The following CNTN4 variants were observed in gnomAD, a reference collection of about 807,000 sequenced individuals.
CNTN4 encodes contactin-4.
A neutral mutation model predicts 122.5 loss-of-function variants in CNTN4; 77 were observed. The ratio of observed to expected loss-of-function variants is 0.63; its 90% confidence interval spans 0.52 to 0.76. The LOEUF (loss-of-function observed/expected upper bound fraction) is 0.76. Ranked by LOEUF, CNTN4 falls within the 30% of genes least tolerant of loss-of-function variation. CNTN4 has a pLI of 0.00. For synonymous variants in CNTN4, 512 were observed against 447.0 expected (o/e 1.15, Z -1.83); for missense variants, 1,256 against 1,259.1 (o/e 1.00, Z 0.04).
chr3:2,933,708 C>T (rs987602741), intron 13 of CNTN4, among the ~76,000 whole-genome samples: 1 of 152,124 alleles, frequency 6.6e-6, no homozygotes, highest in African/African-American at 2.4e-5. Context: ...TTATTCCGTT[C>T]TTTAACACTA....
chr3:2,410,206 C>T (rs1346337412), intron 3 of CNTN4, among the ~76,000 whole-genome samples: 1 of 152,190 alleles, frequency 6.6e-6, no homozygotes, highest in East Asian at 1.9e-4. Flanking sequence ...ATGGAGGACC[C>T]TCCCATGAAC....
At position 2,601,505 on chromosome 3, in the gene CNTN4, G is replaced by C. The variant is rs150248411; in HGVS notation, c.55+29947G>C. Among the ~76,000 whole-genome samples the C allele has an allele frequency of 3.7e-3, 561 of 152,216 alleles. 1 individual carries two copies. The highest frequency in any genetic ancestry group is 0.013 in the African/African-American group (540 of 41,530). On this transcript the variant is annotated intron_variant, in intron 4 of 24. Transcript: ENST00000418658. Reference sequence around the variant, plus strand: ...TTGTCAGGTTTGTCAAAGATCGGATGGTTATAGATGTGTGGTATTATTTCT... The same window carrying C: ...TTGTCAGGTTTGTCAAAGATCGGATCGTTATAGATGTGTGGTATTATTTCT...
At chr3:2,959,144 A>G (rs1018139745) in intron 13 of CNTN4, among the ~76,000 whole-genome samples, 1 of 152,232 alleles carries the variant, frequency 6.6e-6, no homozygotes, top group African/African-American at 2.4e-5. Context: ...GCTATAAACT[A>G]TTCCTTTGGG....
At chr3:2,388,775 G>A (rs147099911) in intron 3 of CNTN4, among the ~76,000 whole-genome samples, 2,473 of 151,126 alleles carry the variant, frequency 0.016, 35 homozygotes, top group Non-Finnish European at 0.025. Flanking sequence ...AACCTGGGAG[G>A]TAGAGGTTGC....
intron 4 of CNTN4, among the ~76,000 whole-genome samples, chr3:2,674,261 C>T (rs1188856781): frequency 6.6e-6 from 1 of 152,020 alleles, no homozygotes; most frequent in Non-Finnish European, 1.5e-5. Flanking sequence ...CTGAATTCCT[C>T]ATCACGTTTT....
intron 2 of CNTN4, among the ~76,000 whole-genome samples, chr3:2,158,684 T>C (rs2035828135): frequency 6.6e-6 from 1 of 152,168 alleles, no homozygotes; most frequent in African/African-American, 2.4e-5. Flanking sequence ...ATAGATGAGT[T>C]TTTGAGCCTG....
intron 7 of CNTN4, among the ~76,000 whole-genome samples, chr3:2,844,391 G>A (rs970636122): frequency 6.6e-6 from 1 of 152,220 alleles, no homozygotes; most frequent in African/African-American, 2.4e-5. Context: ...GAACTCAGAA[G>A]TAGAATGAAT....
At chr3:2,495,688 C>T (rs564447154) in intron 3 of CNTN4, among the ~76,000 whole-genome samples, 12 of 152,270 alleles carry the variant, frequency 7.9e-5, no homozygotes, top group Admixed American at 7.8e-4. Context: ...CTAGGTTGCA[C>T]CCTCCTTATG....
At chr3:2,575,220 A>T (rs78079825) in intron 4 of CNTN4, among the ~76,000 whole-genome samples, 1 of 151,190 alleles carries the variant, frequency 6.6e-6, no homozygotes, top group South Asian at 2.1e-4. Flanking sequence ...AAAAGTAATT[A>T]AAAAAAATAA....
At chr3:2,734,737 C>CT (rs2088959246) in intron 4 of CNTN4, among the ~76,000 whole-genome samples, 1 of 143,322 alleles carries the variant, frequency 7.0e-6, no homozygotes, top group Non-Finnish European at 1.5e-5. Flanking sequence ...CAACTTTATT[C>CT]TTTTTTCTCA....
At chr3:2,373,261 A>G (rs578173854) in intron 3 of CNTN4, among the ~76,000 whole-genome samples, 2 of 152,326 alleles carry the variant, frequency 1.3e-5, no homozygotes, top group African/African-American at 4.8e-5. Flanking sequence ...TGGGTTAAGC[A>G]CAGTTGCACT....
chr3:2,320,114 A>G (rs1247143443), intron 2 of CNTN4, among the ~76,000 whole-genome samples: 1 of 152,178 alleles, frequency 6.6e-6, no homozygotes, highest in Non-Finnish European at 1.5e-5. Flanking sequence ...TGTTGGGGAT[A>G]TAATTCTGGA....
At chr3:3,033,892 C>T (rs1051821380) in intron 16 of CNTN4, among the ~76,000 whole-genome samples, 12 of 152,124 alleles carry the variant, frequency 7.9e-5, no homozygotes, top group African/African-American at 2.4e-4. Flanking sequence ...ACAGAAACAA[C>T]GAACATCAGG....
intron 8 of CNTN4, chr3:2,882,929 C>T (rs2150982111): frequency 2.0e-6 from 1 of 489,866 alleles, no homozygotes; most frequent in African/African-American, 2.0e-5. Context: ...TTAATCCAGG[C>T]AAATGGTGTG....
At chr3:2,156,939 G>A (rs373694648) in intron 2 of CNTN4, among the ~76,000 whole-genome samples, 1 of 152,050 alleles carries the variant, frequency 6.6e-6, no homozygotes, top group South Asian at 2.1e-4. Context: ...AACCATTTTG[G>A]GGTCATTAAT....
rs541800263 is a variant in CNTN4, at chr3:2,631,159, G to C, written c.55+59601G>C. Among the ~76,000 whole-genome samples the C allele has an allele frequency of 1.7e-3, 266 of 152,290 alleles. 2 individuals carry two copies. The highest frequency in any genetic ancestry group is 6.8e-3 in the Middle Eastern group (2 of 294). On this transcript the variant is annotated intron_variant, in intron 4 of 24. Transcript: ENST00000418658. ...CCATATTTGTTATTTCTGACTGCTAGAAAGCAAAGGTCACTAGGTCAGGAA... is the reference window on the plus strand; with the variant it reads ...CCATATTTGTTATTTCTGACTGCTACAAAGCAAAGGTCACTAGGTCAGGAA...
At chr3:3,019,507 C>T (rs1040898301) in intron 14 of CNTN4, among the ~76,000 whole-genome samples, 2 of 151,734 alleles carry the variant, frequency 1.3e-5, no homozygotes, top group Non-Finnish European at 2.9e-5. Flanking sequence ...GTTGGCCAGG[C>T]TGGTCTGGAA....
chr3:2,981,331 C>G (rs1009541802), intron 13 of CNTN4, among the ~76,000 whole-genome samples: 10 of 151,768 alleles, frequency 6.6e-5, no homozygotes, highest in Non-Finnish European at 1.5e-4. Flanking sequence ...GTAGTCCCAG[C>G]TACTCGGGAG....
chr3:2,800,500 A>T (rs2092322247), intron 6 of CNTN4, among the ~76,000 whole-genome samples: 1 of 152,206 alleles, frequency 6.6e-6, no homozygotes, highest in African/African-American at 2.4e-5. Context: ...CAAGATGAGG[A>T]GTTCTTCAGG....
Sources: gnomAD v4.1 joint callset for allele counts (sites outside exome capture counted in the v4.1 genomes callset) on GRCh38, gnomAD v4.1.1 for gene constraint, MANE v1.5 for transcripts, NCBI Gene and HGNC (gene_info 2026-07-23, HGNC 2026-07-21) for gene names.